The following IRS1 variants were observed in gnomAD, a reference collection of about 807,000 sequenced individuals.
IRS1 encodes the protein insulin receptor substrate 1.
In IRS1, 34 loss-of-function variants were observed where a neutral mutation model predicts 65.6. The observed-to-expected ratio is 0.52, with a 90% CI of 0.39 to 0.69. The LOEUF (loss-of-function observed/expected upper bound fraction) is 0.69. IRS1 is among the 30% of genes least tolerant of loss of function. The pLI is 0.00. For synonymous variants in IRS1, 699 were observed against 683.5 expected, an observed-to-expected ratio of 1.02 and a Z score of -0.35; for missense variants, 1,641 against 1,720.2, an observed-to-expected ratio of 0.95 and a Z score of 0.81.
chr2:226,738,772 C>T (rs942152254), intron 1 of IRS1, among the ~76,000 whole-genome samples: 9 of 152,190 alleles, frequency 5.9e-5, no homozygotes, highest in African/African-American at 2.2e-4. Flanking sequence ...CTTAACAGAG[C>T]TTCACAGCTC....
chr2:226,738,130 A>C (rs933468937), intron 1 of IRS1, among the ~76,000 whole-genome samples: 2 of 152,228 alleles, frequency 1.3e-5, no homozygotes, highest in African/African-American at 4.8e-5. Context: ...GACATGCTAC[A>C]TTGACATAAG....
chr2:226,769,781 C>A (rs922428530), intron 1 of IRS1, among the ~76,000 whole-genome samples: 6 of 152,098 alleles, frequency 3.9e-5, no homozygotes, highest in African/African-American at 1.4e-4. Context: ...AGTCATAAGC[C>A]AATGGAATGG....
chr2:226,771,266 G>A (rs1273686440), intron 1 of IRS1, among the ~76,000 whole-genome samples: 2 of 152,208 alleles, frequency 1.3e-5, no homozygotes, highest in Non-Finnish European at 2.9e-5. Flanking sequence ...CTGCTGAGGA[G>A]TTTATAGCTG....
At chr2:226,782,860 G>A (rs1345522368) in intron 1 of IRS1, among the ~76,000 whole-genome samples, 1 of 152,146 alleles carries the variant, frequency 6.6e-6, no homozygotes, top group Non-Finnish European at 1.5e-5. Flanking sequence ...AATTAGCCTG[G>A]CATGGTGGCG....
chr2:226,779,427 T>A (rs1277407559), intron 1 of IRS1, among the ~76,000 whole-genome samples: 1 of 152,194 alleles, frequency 6.6e-6, no homozygotes, highest in Non-Finnish European at 1.5e-5. Flanking sequence ...ATCTACCAAA[T>A]GCCAGACTCA....
At chr2:226,746,979 G>A (rs1044650817) in intron 1 of IRS1, among the ~76,000 whole-genome samples, 7 of 151,678 alleles carry the variant, frequency 4.6e-5, no homozygotes, top group African/African-American at 9.7e-5. Flanking sequence ...TAGTAGAGAC[G>A]GGGTTTCACC....
At chr2:226,775,422 G>A (rs918821464) in intron 1 of IRS1, among the ~76,000 whole-genome samples, 3 of 152,202 alleles carry the variant, frequency 2.0e-5, no homozygotes, top group Non-Finnish European at 4.4e-5. Flanking sequence ...TGAGGTGGGA[G>A]GTGACAGATA....
Position 226,795,950 on chromosome 2 carries a change from G to T in IRS1, c.2789C>A (p.Ala930Asp). ...AGTGCCAGTCTCTTCCTCTCTGGGA[G>T]CTGGCTGGAGCTGGGATGGACACCT... ...SVRCPSQLQPAPREEETGTEE... is the reference protein window; with the variant it reads ...SVRCPSQLQPDPREEETGTEE... The change falls in exon 1 of 2, where the codon GCT (alanine) becomes GAT (aspartate). Residue 930 changes from alanine (A) to aspartate (D), a missense_variant. This residue lies in a region of IRS1 where 1,324 missense variants were observed against 1,361.0 expected (regional missense o/e 0.97). Transcript: ENST00000305123. The T allele has an allele frequency of 6.2e-7, 1 of 1,614,108 alleles. No individual in the cohort carries two copies. Among genetic ancestry groups the T allele is most frequent in the Non-Finnish European group, 8.5e-7 (1 of 1,180,042 alleles).
At chr2:226,754,694 A>G (rs1025551031) in intron 1 of IRS1, among the ~76,000 whole-genome samples, 7 of 152,240 alleles carry the variant, frequency 4.6e-5, no homozygotes, top group African/African-American at 9.6e-5. Flanking sequence ...AGTTATTTTT[A>G]TAAAAGGAAA....
At position 226,799,179 on chromosome 2, in the gene IRS1, T is replaced by A; in HGVS notation, c.-441A>T. 5.4e-6 allele frequency: 6 copies of A among 1,109,622 alleles called. No homozygotes were observed. Among genetic ancestry groups the A allele is most frequent in the Non-Finnish European group, 6.7e-6 (6 of 895,094 alleles). 68.7% of individuals were successfully genotyped at this position (1,109,622 alleles called of 1,614,324 possible). A position where few individuals can be genotyped will look rare whatever the true frequency, so the allele number is the denominator to read the frequency against. Reference sequence around the variant, plus strand: ...GCGCCTTCCCTCCTGAGTTCCCCTCTGGAAGCAGCGATTCCCGAGGCAAAT... The same window carrying A: ...GCGCCTTCCCTCCTGAGTTCCCCTCAGGAAGCAGCGATTCCCGAGGCAAAT... On this transcript the variant is annotated 5_prime_UTR_variant, in exon 1 of 2. Coordinates refer to ENST00000305123, the MANE Select transcript of IRS1 (RefSeq NM_005544.3). This position sits in a 1 kb window ranked among gnomAD's most constrained non-coding sequence, Gnocchi z 6.1.
chr2:226,799,476 T>C lies in IRS1; in HGVS notation c.-738A>G. 8.5e-7 allele frequency: 1 copy of C among 1,171,602 alleles called. No individual in the cohort carries two copies. Among genetic ancestry groups the C allele is most frequent in the Non-Finnish European group, 1.1e-6 (1 of 925,220 alleles). The allele number at this position is 1,171,602 out of a possible 1,614,324, so 72.6% of individuals were successfully genotyped here. The stretch of plus-strand genomic sequence containing the variant: ...AAAGTGGCTTTTCCATGCGAAACGA[T>C]ACCGGGCAGCCACTGCAGCTGGGGA... On this transcript the variant is annotated 5_prime_UTR_variant, in exon 1 of 2. Transcript: ENST00000305123. This position sits in a 1 kb window ranked among gnomAD's most constrained non-coding sequence, Gnocchi z 6.1.
chr2:226,742,704 A>G (rs1260707435), intron 1 of IRS1, among the ~76,000 whole-genome samples: 1 of 150,898 alleles, frequency 6.6e-6, no homozygotes, highest in Non-Finnish European at 1.5e-5. Context: ...AGAAAGGCAC[A>G]CGCATTATGA....
intron 1 of IRS1, among the ~76,000 whole-genome samples, chr2:226,760,625 C>T (rs762185775): frequency 2.0e-5 from 3 of 152,162 alleles, no homozygotes; most frequent in Non-Finnish European, 4.4e-5. Context: ...ACCCCACCCC[C>T]CTCCACAAAA....
intron 1 of IRS1, among the ~76,000 whole-genome samples, chr2:226,767,476 C>A (rs1939077940): frequency 6.6e-6 from 1 of 152,190 alleles, no homozygotes; most frequent in Non-Finnish European, 1.5e-5. Context: ...ACACCCCACC[C>A]CCAACAAAAG....
chr2:226,797,105 A>G lies in IRS1; in HGVS notation c.1634T>C (p.Val545Ala). The change falls in exon 1 of 2, where the codon GTG becomes GCG. Residue 545 changes from valine to alanine, a missense_variant. Val to Ala is a moderately conservative substitution (Grantham distance 64). Around this residue, in one of 3 missense-constraint regions of IRS1, gnomAD observed 1,324 missense variants for 1,361.0 expected, o/e 0.97. Coordinates refer to ENST00000305123, the MANE Select transcript of IRS1 (RefSeq NM_005544.3). This position sits in a 1 kb window ranked among gnomAD's most constrained non-coding sequence, Gnocchi z 8.1. ...THQKTPSQSS[V>A]ASIEEYTEMM... ...CTCTGTGTACTCCTCAATGGAAGCCACTGAGGACTGGGACGGGGTCTTCTG... is the reference window on the plus strand; with the variant it reads ...CTCTGTGTACTCCTCAATGGAAGCCGCTGAGGACTGGGACGGGGTCTTCTG... 1 of 1,613,726 alleles carries G rather than the reference A, an allele frequency of 6.2e-7. No individual in the cohort carries two copies. The highest frequency in any genetic ancestry group is 8.5e-7 in the Non-Finnish European group (1 of 1,180,012).
rs749309744 is a variant in IRS1 at position 226,797,459 on chromosome 2, G to A, written c.1280C>T (p.Ser427Phe). 6.2e-7 allele frequency: 1 copy of A among 1,613,670 alleles called. No individual in the cohort carries two copies. The highest frequency in any genetic ancestry group is 1.1e-5 in the South Asian group (1 of 91,070). The part of the protein sequence containing the change: ...SGSPSDGGFI[S>F]SDEYGSSPCD... ...GGGACTGGAGCCATACTCATCCGAG[G>A]AGATGAAACCGCCATCGCTGGGGGA... is the stretch of plus-strand genomic sequence containing the variant. The change falls in exon 1 of 2, where the codon TCC (serine) becomes TTC (phenylalanine). Residue 427 changes from serine (S) to phenylalanine (F), a missense_variant. Ser to Phe is a radical substitution (Grantham distance 155). This residue lies in a region of IRS1 where 1,324 missense variants were observed against 1,361.0 expected (regional missense o/e 0.97). Transcript: ENST00000305123. The surrounding 1 kb of genome is among the most constrained non-coding windows in gnomAD (Gnocchi z 8.1).
chr2:226,776,240 T>C (rs1939269476), intron 1 of IRS1, among the ~76,000 whole-genome samples: 1 of 152,056 alleles, frequency 6.6e-6, no homozygotes, highest in Admixed American at 6.6e-5. Context: ...CAAAATAAAG[T>C]GTTACTGGAT....
In IRS1 at chr2:226,798,872, C is replaced by A; in HGVS notation, c.-134G>T. The stretch of plus-strand genomic sequence containing the variant: ...CAGCAGAAACCCCGACTCTGAAATC[C>A]ACGCCGCCCCCCGCGCCGGGGAGGG... On this transcript the variant is annotated 5_prime_UTR_variant, in exon 1 of 2. Transcript: ENST00000305123. The surrounding 1 kb of genome is among the most constrained non-coding windows in gnomAD (Gnocchi z 9.4). 6.6e-7 allele frequency: 1 copy of A among 1,525,438 alleles called. No individual in the cohort carries two copies. Among genetic ancestry groups the A allele is most frequent in the Non-Finnish European group, 8.8e-7 (1 of 1,133,356 alleles). 94.5% of individuals were successfully genotyped at this position (1,525,438 alleles called of 1,614,324 possible).
chr2:226,775,099 C>T (rs536685948), intron 1 of IRS1, among the ~76,000 whole-genome samples: 37 of 152,186 alleles, frequency 2.4e-4, no homozygotes, highest in Non-Finnish European at 3.7e-4. Context: ...TAAAAAAATA[C>T]ACCTAGGAAG....
Sources: gnomAD v4.1 joint callset for allele counts (sites outside exome capture counted in the v4.1 genomes callset) on GRCh38, gnomAD v4.1.1 for gene constraint, gnomAD v4.1.1 regional missense constraint, Gnocchi (gnomAD v3.1) non-coding constraint, MANE v1.5 for transcripts, NCBI Gene and HGNC (gene_info 2026-07-23, HGNC 2026-07-21) for gene names.